The following EYA1 variants were observed in gnomAD, a reference collection of about 807,000 sequenced individuals.
EYA1 encodes protein phosphatase EYA1.
EYA1 carries 16 observed loss-of-function variants against 82.0 expected under a neutral mutation model. The ratio of observed to expected loss-of-function variants is 0.20; its 90% CI spans 0.13 to 0.30. EYA1 has a LOEUF of 0.30. Ranked by LOEUF, EYA1 falls within the 10% of genes least tolerant of loss-of-function variation. The pLI is 1.00. For missense variants in EYA1, 633 were observed against 730.7 expected, an observed-to-expected ratio of 0.87 and a Z score of 1.54; for synonymous variants, 261 against 264.4, an observed-to-expected ratio of 0.99 and a Z score of 0.12.
At chr8:71,265,284 C>T (rs1030732196) in intron 11 of EYA1, among the ~76,000 whole-genome samples, 1 of 152,066 alleles carries the variant, frequency 6.6e-6, no homozygotes, top group Non-Finnish European at 1.5e-5. Flanking sequence ...TAACCTCTCC[C>T]GTTTCAATTT....
chr8:71,266,699 A>G (rs940555232), intron 11 of EYA1, among the ~76,000 whole-genome samples: 1 of 151,814 alleles, frequency 6.6e-6, no homozygotes, highest in African/African-American at 2.4e-5. Flanking sequence ...TGAATCTGCC[A>G]TCTCCTGTAC....
chr8:71,345,366 A>G (rs1259654618), intron 3 of EYA1, among the ~76,000 whole-genome samples: 2 of 152,216 alleles, frequency 1.3e-5, no homozygotes, highest in African/African-American at 4.8e-5. Flanking sequence ...CACTACAGGC[A>G]TGTAGTATTA....
chr8:71,234,095 T>C (rs1170268941), intron 12 of EYA1, among the ~76,000 whole-genome samples: 1 of 152,230 alleles, frequency 6.6e-6, no homozygotes, highest in Non-Finnish European at 1.5e-5. Context: ...ACCTGCAGAC[T>C]CTACCTGCCT....
rs764258322 is a variant in EYA1, at chr8:71,299,631, A to T, written c.639+7T>A. The T allele has an allele frequency of 6.6e-7, 1 of 1,504,344 alleles. No individual in the cohort carries two copies. Among genetic ancestry groups the T allele is most frequent in the Admixed American group, 1.7e-5 (1 of 59,870 alleles). 93.2% of individuals were successfully genotyped at this position (1,504,344 alleles called of 1,614,324 possible). A position where few individuals can be genotyped will look rare whatever the true frequency, so the allele number is the denominator to read the frequency against. ...TTTTCAGAAGTTAAACTGGCTTTTT[A>T]AATTACCTGCTGTGAACTATTAAAT... On this transcript the variant is annotated splice_region_variant and intron_variant, in intron 8 of 17. Coordinates refer to ENST00000340726, the MANE Select transcript of EYA1 (RefSeq NM_000503.6).
At chr8:71,445,508 A>T (rs1262267834) in intron 2 of EYA1, among the ~76,000 whole-genome samples, 1 of 152,250 alleles carries the variant, frequency 6.6e-6, no homozygotes, top group Non-Finnish European at 1.5e-5. Flanking sequence ...GACAATAGGA[A>T]TGTAAGCAAT....
At chr8:71,370,427 C>T (rs1197334200) in intron 2 of EYA1, among the ~76,000 whole-genome samples, 1 of 149,436 alleles carries the variant, frequency 6.7e-6, no homozygotes, top group Non-Finnish European at 1.5e-5. Context: ...ACAAGGCAGA[C>T]AGAATTCCCA....
chr8:71,321,912 C>T, intron 5 of EYA1, 33 bp from the exon 6 acceptor site: 1 of 1,614,044 alleles, frequency 6.2e-7, no homozygotes, highest in South Asian at 1.1e-5. Context: ...AATAGAAAGC[C>T]CATGCATTAG....
chr8:71,474,822 C>G (rs1809521956), intron 2 of EYA1, among the ~76,000 whole-genome samples: 1 of 152,124 alleles, frequency 6.6e-6, no homozygotes. Flanking sequence ...ATGGAACACT[C>G]TGCAATGACT....
chr8:71,482,429 C>T (rs1384244405), intron 2 of EYA1, among the ~76,000 whole-genome samples: 1 of 152,196 alleles, frequency 6.6e-6, no homozygotes, highest in Non-Finnish European at 1.5e-5. Context: ...AGTGCTCACA[C>T]ATTGCTGGTA....
chr8:71,351,238 T>C lies in EYA1; in HGVS notation c.124+3544A>G, dbSNP rs188051398. On this transcript the variant is annotated intron_variant, in intron 3 of 17. Coordinates refer to ENST00000340726, the MANE Select transcript of EYA1 (RefSeq NM_000503.6). ...CTGTCCAAAGGAAGAGGGAAAACAGTTGAAAGACGGGCCATGATTGGTGTT... is the reference window on the plus strand; with the variant it reads ...CTGTCCAAAGGAAGAGGGAAAACAGCTGAAAGACGGGCCATGATTGGTGTT... 7.2e-5 allele frequency among the ~76,000 whole-genome samples: 11 copies of C among 152,300 alleles called. No individual in the cohort carries two copies. In the East Asian group the frequency reaches 1.7e-3, roughly 24 times the overall value.
chr8:71,499,668 A>T (rs1376521468), intron 2 of EYA1, among the ~76,000 whole-genome samples: 1 of 152,240 alleles, frequency 6.6e-6, no homozygotes, highest in Admixed American at 6.5e-5. Context: ...ATTTAAATAC[A>T]GTGTGACATG....
chr8:71,254,641 A>C (rs940028751), intron 11 of EYA1, among the ~76,000 whole-genome samples: 1 of 152,202 alleles, frequency 6.6e-6, no homozygotes, highest in African/African-American at 2.4e-5. Flanking sequence ...AATGTCTGAA[A>C]GTTTTTCCTC....
intron 2 of EYA1, among the ~76,000 whole-genome samples, chr8:71,507,818 T>C (rs1010727075): frequency 2.6e-5 from 4 of 152,196 alleles, no homozygotes; most frequent in Non-Finnish European, 2.9e-5. Context: ...TTGTTGGACA[T>C]TCTAGGGAGT....
At chr8:71,290,288 C>A (rs1054501708) in intron 9 of EYA1, among the ~76,000 whole-genome samples, 2 of 152,226 alleles carry the variant, frequency 1.3e-5, no homozygotes, top group African/African-American at 4.8e-5. Flanking sequence ...CAACCATCTC[C>A]AATTAAAAAA....
intron 12 of EYA1, among the ~76,000 whole-genome samples, chr8:71,221,105 G>GAATT (rs1471956386): frequency 6.6e-6 from 1 of 152,202 alleles, no homozygotes; most frequent in Non-Finnish European, 1.5e-5. Context: ...AAGGTCTGAA[G>GAATT]AATTAAAATT....
intron 2 of EYA1, among the ~76,000 whole-genome samples, chr8:71,503,954 G>A (rs563002539): frequency 1.5e-4 from 23 of 152,218 alleles, no homozygotes; most frequent in African/African-American, 5.5e-4. Context: ...AATGGTGGGG[G>A]GTGGTCCCAA....
chr8:71,255,989 A>G (rs953167948), intron 11 of EYA1, among the ~76,000 whole-genome samples: 1 of 152,194 alleles, frequency 6.6e-6, no homozygotes, highest in Non-Finnish European at 1.5e-5. Flanking sequence ...ATGTGAACCC[A>G]AACCACTGTG....
chr8:71,396,120 G>A (rs1829595788), intron 2 of EYA1, among the ~76,000 whole-genome samples: 1 of 152,156 alleles, frequency 6.6e-6, no homozygotes, highest in South Asian at 2.1e-4. Context: ...TTGTATTTCT[G>A]TGGGATCGGT....
chr8:71,200,231 A>G (rs1563599492), intron 17 of EYA1: 1 of 152,234 alleles, frequency 6.6e-6, no homozygotes, highest in East Asian at 1.9e-4. Flanking sequence ...TACCTTATAG[A>G]ATAGGATTCT....
Sources: allele counts gnomAD v4.1 joint callset (sites outside exome capture counted in the v4.1 genomes callset), GRCh38; gene constraint gnomAD v4.1.1; transcripts MANE v1.5; gene names NCBI Gene and HGNC (gene_info 2026-07-23, HGNC 2026-07-21).